The following STK17B variants were observed in gnomAD, a reference collection of about 807,000 sequenced individuals.
The protein encoded by STK17B is serine/threonine-protein kinase 17B.
Under a neutral mutation model 42.0 loss-of-function variants are expected in STK17B, and 21 were observed. The ratio of observed to expected loss-of-function variants is 0.50; its 90% CI spans 0.35 to 0.72. The LOEUF (loss-of-function observed/expected upper bound fraction) is 0.72. Among genes scored for constraint, STK17B ranks in the 30% least tolerant of loss-of-function variants. The pLI, the probability that STK17B is intolerant of heterozygous loss-of-function variation, is 0.00. For synonymous variants in STK17B, 143 were observed against 148.4 expected, an observed-to-expected ratio of 0.96 and a Z score of 0.26; for missense variants, 349 against 446.0, an observed-to-expected ratio of 0.78 and a Z score of 1.96.
At position 196,137,642 on chromosome 2, in the gene STK17B, G is replaced by A. The variant is rs753874976; in HGVS notation, c.924C>T (p.Ser308=). The change falls in exon 8 of 8, where the codon TCC becomes TCT. Residue 308 remains serine (S), a synonymous_variant. Transcript: ENST00000263955. ...FENLFHPEET[S]SSSQTQDHSV... ...AATGATCCTGAGTTTGAGAGGAACT[G>A]GAAGTTTCTTCAGGGTGAAACAAGT... is the stretch of plus-strand genomic sequence containing the variant. The A allele has an allele frequency of 1.7e-5, 28 of 1,613,984 alleles. No homozygotes were observed. The highest frequency in any genetic ancestry group is 1.6e-4 in the Middle Eastern group (1 of 6,080).
intron 1 of STK17B, 77 bp from the exon 2 acceptor site, chr2:196,163,504 T>C (rs1165006347): frequency 4.5e-6 from 5 of 1,115,608 alleles, no homozygotes; most frequent in East Asian, 5.7e-5. Context: ...GCTCCAAATA[T>C]AGCTATAAAA....
upstream of STK17B, among the ~76,000 whole-genome samples, chr2:196,175,060 A>T (rs1162355742): frequency 2.0e-5 from 3 of 152,242 alleles, no homozygotes; most frequent in East Asian, 5.8e-4. Context: ...GTCATATTTT[A>T]AAAAGTAAAC....
intron 6 of STK17B, among the ~76,000 whole-genome samples, chr2:196,140,692 G>A (rs1236475965): frequency 6.7e-6 from 1 of 148,946 alleles, no homozygotes; most frequent in African/African-American, 2.5e-5. Flanking sequence ...AGCATCCTGA[G>A]TAGCTGGGAT....
chr2:196,154,069 T>C (rs917380882), intron 3 of STK17B: 5 of 152,120 alleles, frequency 3.3e-5, no homozygotes, highest in African/African-American at 1.2e-4. Flanking sequence ...ACCCCATCTC[T>C]AGTAACATAC....
chr2:196,173,555 G>A (rs897442598), upstream of STK17B, among the ~76,000 whole-genome samples: 1 of 152,242 alleles, frequency 6.6e-6, no homozygotes, highest in East Asian at 1.9e-4. Flanking sequence ...AATTCCTGGT[G>A]CTGAGGAGGA....
rs1179345831 is a variant in STK17B, at chr2:196,168,595, T to C, written c.-45+2738A>G. On this transcript the variant is annotated intron_variant, in intron 1 of 7. Transcript: ENST00000263955. ...ATCACTACACCCTCTTTTGGAGTAA[T>C]TGCAAAGGGTCAGGGATGAACCAAA... Among the ~76,000 whole-genome samples, 26 of 152,166 alleles carry C rather than the reference T, an allele frequency of 1.7e-4. 1 individual carries two copies. The highest frequency in any genetic ancestry group is 1.6e-3 in the Admixed American group (24 of 15,284).
Position 196,169,970 on chromosome 2 carries a change from A to G in STK17B, c.-45+1363T>C, listed in dbSNP as rs117927715. On this transcript the variant is annotated intron_variant, in intron 1 of 7. Transcript: ENST00000263955. ...TAATACCTCCAATTATTAAGATACT[A>G]GAAAAAGTTTAATTGAGCATCTGCT... is the stretch of plus-strand genomic sequence containing the variant. 4.3e-4 allele frequency among the ~76,000 whole-genome samples: 65 copies of G among 152,332 alleles called. No homozygotes were observed. The East Asian group carries it at 0.011, about 26-fold the overall frequency.
At chr2:196,167,206 T>C (rs1343273770) in intron 1 of STK17B, among the ~76,000 whole-genome samples, 3 of 152,244 alleles carry the variant, frequency 2.0e-5, no homozygotes, top group East Asian at 1.9e-4. Flanking sequence ...TTCTCCTTTA[T>C]GCTTCAAATA....
In STK17B at chr2:196,137,316, CT is replaced by C. The variant is rs898808701; in HGVS notation, c.*130del. 1.2e-5 allele frequency: 12 copies of C among 978,280 alleles called. No homozygotes were observed. The African/African-American group carries it at 1.5e-4, about 12-fold the overall frequency. The allele number at this position is 978,280 out of a possible 1,614,324, so 60.6% of individuals were successfully genotyped here. A position where few individuals can be genotyped will look rare whatever the true frequency, so the allele number is the denominator to read the frequency against. ...CAACTAGTAATTTAACATTAAAACA[CT>C]TCCCTAAATTATTCCATGGAAAAGT... On this transcript the variant is annotated 3_prime_UTR_variant, in exon 8 of 8. Coordinates refer to ENST00000263955, the MANE Select transcript of STK17B (RefSeq NM_004226.4).
At chr2:196,149,855 G>C (rs1473434131) in intron 3 of STK17B, among the ~76,000 whole-genome samples, 1 of 152,130 alleles carries the variant, frequency 6.6e-6, no homozygotes, top group Admixed American at 6.5e-5. Flanking sequence ...ATCAGGGAAA[G>C]TATCCTCAGA....
intron 3 of STK17B, among the ~76,000 whole-genome samples, chr2:196,146,841 A>T (rs952789926): frequency 6.6e-6 from 1 of 152,198 alleles, no homozygotes; most frequent in African/African-American, 2.4e-5. Context: ...GAATATGAGT[A>T]AGAATCTGCA....
chr2:196,138,559 A>C (rs960527673), intron 7 of STK17B, among the ~76,000 whole-genome samples: 2 of 151,496 alleles, frequency 1.3e-5, no homozygotes, highest in Non-Finnish European at 1.5e-5. Flanking sequence ...ACTAACCTCC[A>C]AATCACTTTT....
At chr2:196,144,118 G>C (rs1433443890) in intron 4 of STK17B, among the ~76,000 whole-genome samples, 1 of 151,608 alleles carries the variant, frequency 6.6e-6, no homozygotes, top group Admixed American at 6.6e-5. Context: ...TGGGAGGATC[G>C]TTTGAGCTCA....
upstream of STK17B, among the ~76,000 whole-genome samples, chr2:196,175,039 A>C (rs1699985416): frequency 1.3e-5 from 2 of 152,256 alleles, no homozygotes; most frequent in Admixed American, 1.3e-4. Context: ...ACATTGGCAA[A>C]TGTTCTACTA....
chr2:196,170,162 T>C (rs115564020), intron 1 of STK17B, among the ~76,000 whole-genome samples: 217 of 151,404 alleles, frequency 1.4e-3, no homozygotes, highest in African/African-American at 5.1e-3. Context: ...TAAAAAACAG[T>C]GTTATCAATG....
chr2:196,140,345 T>C (rs983696640), intron 6 of STK17B, among the ~76,000 whole-genome samples: 6 of 152,224 alleles, frequency 3.9e-5, no homozygotes, highest in Non-Finnish European at 7.4e-5. Context: ...GGCAAACCCA[T>C]GAGCAGTTCC....
Position 196,136,587 on chromosome 2 carries a change from CATT to C in STK17B, c.*857_*859del, listed in dbSNP as rs1699409289. The C allele has an allele frequency of 1.3e-5, 2 of 152,216 alleles. No individual in the cohort carries two copies. The highest frequency in any genetic ancestry group is 4.1e-4 in the South Asian group (2 of 4,832). 9.4% of individuals were successfully genotyped at this position (152,216 alleles called of 1,614,324 possible). ...TCAGTAAGCTGTCTGAGTGTGTCAA[CATT>C]TTCTTCTATATTCAATTAATAAATA... On this transcript the variant is annotated 3_prime_UTR_variant, in exon 8 of 8. Coordinates refer to ENST00000263955, the MANE Select transcript of STK17B (RefSeq NM_004226.4).
intron 4 of STK17B, among the ~76,000 whole-genome samples, chr2:196,145,434 G>A (rs529256662): frequency 2.0e-5 from 3 of 152,174 alleles, no homozygotes; most frequent in South Asian, 2.1e-4. Flanking sequence ...CTGGAGGTTC[G>A]GGGCTTGGGT....
In STK17B at chr2:196,136,409, G is replaced by A. The variant is rs953173254; in HGVS notation, c.*1038C>T. ...GGAATTTCACACAAGAACTTCAGAC[G>A]AGCCTGATGTCATGTTTTATGATCA... On this transcript the variant is annotated 3_prime_UTR_variant, in exon 8 of 8. Transcript: ENST00000263955. 5 of 152,564 alleles carry A rather than the reference G, an allele frequency of 3.3e-5. No individual in the cohort carries two copies. Among genetic ancestry groups the A allele is most frequent in the East Asian group, 1.9e-4 (1 of 5,196 alleles). 9.5% of individuals were successfully genotyped at this position (152,564 alleles called of 1,614,324 possible).
Sources: allele counts gnomAD v4.1 joint callset (sites outside exome capture counted in the v4.1 genomes callset), GRCh38; gene constraint gnomAD v4.1.1; transcripts MANE v1.5; gene names NCBI Gene and HGNC (gene_info 2026-07-23, HGNC 2026-07-21).